The following PLA2G4A variants were observed in gnomAD, a reference collection of about 807,000 sequenced individuals.
PLA2G4A encodes cytosolic phospholipase A2.
Under a neutral mutation model 81.9 loss-of-function variants are expected in PLA2G4A, and 40 were observed. That is an observed-to-expected ratio of 0.49 (90% CI 0.38 to 0.64). The LOEUF (loss-of-function observed/expected upper bound fraction) is 0.64, where lower values mean the gene tolerates loss of function less well. PLA2G4A is among the 30% of genes least tolerant of loss of function. The probability of loss-of-function intolerance (pLI) is 0.00; values close to 1 mark genes in which losing one functional copy is unlikely to be tolerated. For synonymous variants in PLA2G4A, 302 were observed against 296.9 expected (o/e 1.02, Z -0.18); for missense variants, 715 against 905.1 (o/e 0.79, Z 2.69).
chr1:186,854,425 G>C (rs768110142), intron 2 of PLA2G4A, 38 bp downstream of exon 2: 1 of 1,335,434 alleles, frequency 7.5e-7, no homozygotes, highest in African/African-American at 1.4e-5. Flanking sequence ...TTCTTGGAGG[G>C]GGTCTGATAT....
chr1:186,863,844 T>C (rs1235822381), intron 2 of PLA2G4A, among the ~76,000 whole-genome samples: 1 of 151,382 alleles, frequency 6.6e-6, no homozygotes, highest in Non-Finnish European at 1.5e-5. Flanking sequence ...CACTGTAACC[T>C]CCGCCTCCCG....
At chr1:186,884,954 ATTAG>A (rs1373713196) in intron 3 of PLA2G4A, among the ~76,000 whole-genome samples, 1 of 151,614 alleles carries the variant, frequency 6.6e-6, no homozygotes, top group Non-Finnish European at 1.5e-5. Context: ...CCCTCAGTCT[ATTAG>A]TTAGCTGCAT....
At chr1:186,903,020 G>C (rs1427063885) in intron 5 of PLA2G4A, among the ~76,000 whole-genome samples, 2 of 152,114 alleles carry the variant, frequency 1.3e-5, no homozygotes, top group South Asian at 4.1e-4. Context: ...CACTTGGATT[G>C]CCTCCTTGTC....
chr1:186,897,186 T>A (rs1654361884), intron 5 of PLA2G4A, among the ~76,000 whole-genome samples: 1 of 152,162 alleles, frequency 6.6e-6, no homozygotes, highest in Admixed American at 6.5e-5. Flanking sequence ...CAAACGTTAA[T>A]ACTGAGTCAA....
At chr1:186,900,806 C>G (rs1426957666) in intron 5 of PLA2G4A, among the ~76,000 whole-genome samples, 1 of 152,174 alleles carries the variant, frequency 6.6e-6, no homozygotes, top group Non-Finnish European at 1.5e-5. Context: ...AAAGTTGTCT[C>G]TAAGTTGACC....
At chr1:186,878,609 T>C (rs1259409138) in intron 3 of PLA2G4A, among the ~76,000 whole-genome samples, 3 of 151,822 alleles carry the variant, frequency 2.0e-5, no homozygotes, top group Non-Finnish European at 4.4e-5. Flanking sequence ...AGAAATATAA[T>C]GTGTTAGTAA....
chr1:186,948,119 T>C (rs1656406535), intron 12 of PLA2G4A, among the ~76,000 whole-genome samples: 1 of 152,228 alleles, frequency 6.6e-6, no homozygotes, highest in South Asian at 2.1e-4. Flanking sequence ...TTTAGTGTGG[T>C]AAACTCCTGT....
chr1:186,830,096 C>A (rs192655789), intron 1 of PLA2G4A, among the ~76,000 whole-genome samples: 31 of 152,200 alleles, frequency 2.0e-4, no homozygotes, highest in African/African-American at 7.0e-4. Flanking sequence ...TCTACAGGTT[C>A]CTACACCTTG....
chr1:186,907,834 GTTAATA>G (rs1654794637), intron 6 of PLA2G4A, among the ~76,000 whole-genome samples: 1 of 152,182 alleles, frequency 6.6e-6, no homozygotes, highest in Non-Finnish European at 1.5e-5. Flanking sequence ...TCCACAACCT[GTTAATA>G]TAAGTCAGCA....
intron 17 of PLA2G4A, among the ~76,000 whole-genome samples, chr1:186,979,691 T>C (rs1264629661): frequency 2.0e-5 from 3 of 152,170 alleles, no homozygotes; most frequent in Admixed American, 1.3e-4. Flanking sequence ...TTTTATTGAA[T>C]GATTGGTTAA....
At chr1:186,906,280 A>G (rs1558422862) in intron 5 of PLA2G4A, among the ~76,000 whole-genome samples, 1 of 152,216 alleles carries the variant, frequency 6.6e-6, no homozygotes, top group Non-Finnish European at 1.5e-5. Flanking sequence ...ACAACTCTTA[A>G]TATCTTAAGT....
At chr1:186,851,662 A>G (rs1289583244) in intron 1 of PLA2G4A, among the ~76,000 whole-genome samples, 5 of 152,016 alleles carry the variant, frequency 3.3e-5, no homozygotes, top group African/African-American at 1.2e-4. Flanking sequence ...TAAGGATTAT[A>G]TCACTCAATA....
At chr1:186,958,621 A>T (rs1656838126) in intron 14 of PLA2G4A, among the ~76,000 whole-genome samples, 1 of 152,192 alleles carries the variant, frequency 6.6e-6, no homozygotes, top group Non-Finnish European at 1.5e-5. Context: ...ATTGCTTCCA[A>T]GCTTTTCCCT....
chr1:186,943,201 T>C (rs1344607018), intron 10 of PLA2G4A, among the ~76,000 whole-genome samples: 2 of 152,348 alleles, frequency 1.3e-5, no homozygotes, highest in South Asian at 2.1e-4. Flanking sequence ...TCCCTTCCTC[T>C]TGGAATAATT....
chr1:186,896,683 G>A (rs186905283), intron 5 of PLA2G4A, among the ~76,000 whole-genome samples: 7 of 152,226 alleles, frequency 4.6e-5, no homozygotes, highest in African/African-American at 1.7e-4. Context: ...AATCCCTAGG[G>A]CTCTAAAAAG....
Position 186,950,650 on chromosome 1 carries a change from T to C in PLA2G4A, c.1265-7T>C, listed in dbSNP as rs772687653. 1 of 1,542,264 alleles carries C rather than the reference T, an allele frequency of 6.5e-7. No homozygotes were observed. The highest frequency in any genetic ancestry group is 1.1e-5 in the South Asian group (1 of 89,472). On this transcript the variant is annotated splice_polypyrimidine_tract_variant and splice_region_variant and intron_variant, in intron 12 of 17. Transcript: ENST00000367466. ...AATGCTTCAATTTTTTTGTTTTCTTTTCACAGAAAATATTACCACAAAGCA... is the reference window on the plus strand; with the variant it reads ...AATGCTTCAATTTTTTTGTTTTCTTCTCACAGAAAATATTACCACAAAGCA...
At chr1:186,830,643 C>G (rs1196505742) in intron 1 of PLA2G4A, among the ~76,000 whole-genome samples, 2 of 128,460 alleles carry the variant, frequency 1.6e-5, no homozygotes, top group African/African-American at 6.5e-5. Flanking sequence ...GTAAGTTATT[C>G]TGAAGTGTTT....
chr1:186,944,950 A>G (rs1050675082), intron 10 of PLA2G4A, among the ~76,000 whole-genome samples: 1 of 152,174 alleles, frequency 6.6e-6, no homozygotes, highest in African/African-American at 2.4e-5. Context: ...TTACAAACAA[A>G]TGAGTAACAA....
At chr1:186,967,692 G>T (rs776351433) in intron 15 of PLA2G4A, among the ~76,000 whole-genome samples, 13 of 152,028 alleles carry the variant, frequency 8.6e-5, no homozygotes, top group Non-Finnish European at 1.6e-4. Context: ...AATGAACAGG[G>T]TAATAAATGA....
Sources: gnomAD v4.1 joint callset for allele counts (sites outside exome capture counted in the v4.1 genomes callset) on GRCh38, gnomAD v4.1.1 for gene constraint, MANE v1.5 for transcripts, NCBI Gene and HGNC (gene_info 2026-07-23, HGNC 2026-07-21) for gene names.